CPLANE1: variants seen among roughly 807,000 people sequenced by gnomAD.
The protein encoded by CPLANE1 is ciliogenesis and planar polarity effector 1.
In CPLANE1, 263 loss-of-function variants were observed where a neutral mutation model predicts 362.5. That is an observed-to-expected ratio of 0.73 (90% CI 0.66 to 0.80). The LOEUF (loss-of-function observed/expected upper bound fraction) is 0.80. Ranked by LOEUF, CPLANE1 falls within the 30% of genes least tolerant of loss-of-function variation. CPLANE1 has a pLI of 0.00. For synonymous variants in CPLANE1, 1,212 were observed against 1,302.6 expected, an observed-to-expected ratio of 0.93 and a Z score of 1.50; for missense variants, 3,461 against 3,793.4, an observed-to-expected ratio of 0.91 and a Z score of 2.30.
Position 37,206,212 on chromosome 5 carries a change from T to C in CPLANE1, c.3134A>G (p.Asp1045Gly), listed in dbSNP as rs1280487370. Residue 1045 changes from aspartate to glycine, a missense_variant, in exon 17 of 53, where the codon GAT (aspartate) becomes GGT (glycine). Around this residue, in one of 2 missense-constraint regions of CPLANE1, gnomAD observed 3,380 missense variants for 3,666.1 expected, o/e 0.92. Coordinates refer to ENST00000651892, the MANE Select transcript of CPLANE1 (RefSeq NM_001384732.1). ...AAATCCATACCTCATGAAATTGCTATCACGTTTACAGAACAGCTGGAAAGC... is the reference window on the plus strand; with the variant it reads ...AAATCCATACCTCATGAAATTGCTACCACGTTTACAGAACAGCTGGAAAGC... ...GVAFQLFCKR[D>G]SNFMRSKKKS... is the part of the protein sequence containing the mutation. 1.9e-6 allele frequency: 3 copies of C among 1,551,316 alleles called. No individual in the cohort carries two copies. The highest frequency in any genetic ancestry group is 2.6e-6 in the Non-Finnish European group (3 of 1,146,510).
intron 44 of CPLANE1, chr5:37,140,803 C>T: frequency 1.0e-6 from 1 of 985,186 alleles, no homozygotes; most frequent in Non-Finnish European, 1.2e-6. Context: ...GCCACAGTAC[C>T]TGTTTATTAC....
chr5:37,205,447 T>C lies in CPLANE1; in HGVS notation c.3157A>G (p.Lys1053Glu), dbSNP rs1790432973. ...CGGAGTGGTAGATTCAGACTCTTTT[T>C]CTTGGACCTGAAATGACATCAAATT... is the stretch of plus-strand genomic sequence containing the variant. Reference protein sequence around the residue: ...KRDSNFMRSKKKSLNLPLRMT... With the variant: ...KRDSNFMRSKEKSLNLPLRMT... The change falls in exon 18 of 53, where the codon AAA becomes GAA. Residue 1053 changes from lysine (K) to glutamate (E), a missense_variant. Coordinates refer to ENST00000651892, the MANE Select transcript of CPLANE1 (RefSeq NM_001384732.1). 4 of 1,527,520 alleles carry C rather than the reference T, an allele frequency of 2.6e-6. No homozygotes were observed. Among genetic ancestry groups the C allele is most frequent in the African/African-American group, 1.4e-5 (1 of 72,080 alleles). 94.6% of individuals were successfully genotyped at this position (1,527,520 alleles called of 1,614,324 possible). A position where few individuals can be genotyped will look rare whatever the true frequency, so the allele number is the denominator to read the frequency against.
intron 44 of CPLANE1, chr5:37,140,776 A>G: frequency 1.0e-6 from 1 of 985,450 alleles, no homozygotes; most frequent in Non-Finnish European, 1.2e-6. Context: ...TTAGTAACCC[A>G]GGATCACTAA....
At chr5:37,140,669 G>A in intron 44 of CPLANE1, 4 of 985,408 alleles carry the variant, frequency 4.1e-6, no homozygotes, top group Non-Finnish European at 4.8e-6. Context: ...TGCATATGGG[G>A]AAGTAGGTGA....
intron 6 of CPLANE1, among the ~76,000 whole-genome samples, 171 bp downstream of exon 6, chr5:37,242,839 TAAA>T (rs376022376): frequency 1.4e-5 from 2 of 138,746 alleles, no homozygotes; most frequent in Non-Finnish European, 1.6e-5. Context: ...ACTTGTCTGT[TAAA>T]AAAAAAAAAA....
chr5:37,093,397 G>A, the CPLANE1 span, among the ~76,000 whole-genome samples: 1 of 152,158 alleles, frequency 6.6e-6, no homozygotes, highest in Non-Finnish European at 1.5e-5. Flanking sequence ...TCTCTACCAT[G>A]GAATCAATCA....
rs763307814 is a variant in CPLANE1, at chr5:37,175,926, C to T, written c.5961G>A (p.Thr1987=). 4.3e-6 allele frequency: 7 copies of T among 1,612,750 alleles called. No individual in the cohort carries two copies. Among genetic ancestry groups the T allele is most frequent in the Middle Eastern group, 1.7e-4 (1 of 6,028 alleles). The change falls in exon 31 of 53, where the codon ACG becomes ACA. Residue 1987 remains threonine, a synonymous_variant. Transcript: ENST00000651892. Reference sequence around the variant, plus strand: ...CTTCTTACCTAGAAATTTCTGAACTCGTATCTACTTGCATTGATTGAGGAG... The same window carrying T: ...CTTCTTACCTAGAAATTTCTGAACTTGTATCTACTTGCATTGATTGAGGAG... ...HTTPQSMQVD[T]SSEISSAQIS... is the part of the protein sequence containing the mutation.
chr5:37,179,095 G>T (rs1352658699), intron 29 of CPLANE1, among the ~76,000 whole-genome samples: 1 of 152,154 alleles, frequency 6.6e-6, no homozygotes, highest in Non-Finnish European at 1.5e-5. Context: ...GGACACATTT[G>T]CTACTCTTGA....
chr5:37,121,881 G>GTTTTT, intron 48 of CPLANE1, 97 bp from the exon 49 acceptor site: 4 of 722,696 alleles, frequency 5.5e-6, no homozygotes, highest in Non-Finnish European at 6.2e-6. Context: ...GCATGTTCTG[G>GTTTTT]TTTTTTTTTT....
chr5:37,082,079 G>A, the CPLANE1 span, among the ~76,000 whole-genome samples: 1 of 149,148 alleles, frequency 6.7e-6, no homozygotes, highest in East Asian at 1.9e-4. Flanking sequence ...GGCAACAAGA[G>A]TGAAACTCCG....
At chr5:37,233,984 C>CAGGGT (rs1211923068) in intron 8 of CPLANE1, among the ~76,000 whole-genome samples, 1 of 152,200 alleles carries the variant, frequency 6.6e-6, no homozygotes, top group Non-Finnish European at 1.5e-5. Flanking sequence ...CTGTGTACTA[C>CAGGGT]TGAAGAAGTC....
intron 23 of CPLANE1, 22 bp downstream of exon 23, chr5:37,187,392 C>A: frequency 6.4e-7 from 1 of 1,574,094 alleles, no homozygotes; most frequent in South Asian, 1.2e-5. Context: ...ATGTAGTTTA[C>A]TTTCACCTAC....
chr5:37,182,961 A>C lies in CPLANE1; in HGVS notation c.5220T>G (p.Phe1740Leu). Reference sequence around the variant, plus strand: ...ATTCCAGCAGTCTTCCTATACTGCCAAAAGTGTTTAGTGCTAAAGGAAGAT... The same window carrying C: ...ATTCCAGCAGTCTTCCTATACTGCCCAAAGTGTTTAGTGCTAAAGGAAGAT... ...QEDLPLALNT[F>L]GSIGRLLEWM... Residue 1740 changes from phenylalanine to leucine, a missense_variant, in exon 26 of 53, where the codon TTT becomes TTG. Transcript: ENST00000651892. 1 of 1,606,558 alleles carries C rather than the reference A, an allele frequency of 6.2e-7. No homozygotes were observed. Among genetic ancestry groups the C allele is most frequent in the Non-Finnish European group, 8.5e-7 (1 of 1,176,446 alleles).
At chr5:37,230,359 C>A (rs1369587902) in intron 9 of CPLANE1, among the ~76,000 whole-genome samples, 5 of 151,832 alleles carry the variant, frequency 3.3e-5, no homozygotes, top group Non-Finnish European at 7.4e-5. Flanking sequence ...CACATGCTAT[C>A]CAAGTAACAA....
chr5:37,170,690 C>G (rs191030714), intron 32 of CPLANE1, among the ~76,000 whole-genome samples: 14 of 152,302 alleles, frequency 9.2e-5, no homozygotes, highest in African/African-American at 2.4e-4. Context: ...GTAATCCCAG[C>G]ATTTTGGGAG....
At chr5:37,125,766 G>GAATTTTTTTAA (rs1399648243) in intron 46 of CPLANE1, among the ~76,000 whole-genome samples, 1 of 152,006 alleles carries the variant, frequency 6.6e-6, no homozygotes, top group African/African-American at 2.4e-5. Flanking sequence ...TTCTCCTTTT[G>GAATTTTTTTAA]ACTTTTTTTA....
In CPLANE1 at chr5:37,133,745, C is replaced by T. The variant is rs186364965; in HGVS notation, c.8792+4975G>A. 1.9e-3 allele frequency among the ~76,000 whole-genome samples: 294 copies of T among 152,110 alleles called. 2 individuals carry two copies. Among genetic ancestry groups the T allele is most frequent in the Middle Eastern group, 3.4e-3 (1 of 294 alleles). ...AAGAGATAATCTGAATTCTTATTTT[C>T]CTATTTGGATGCCTTACGTTTATTT... On this transcript the variant is annotated intron_variant, in intron 46 of 52. Transcript: ENST00000651892.
Position 37,170,207 on chromosome 5 carries a change from T to A in CPLANE1, c.6296A>T (p.Asn2099Ile). The change falls in exon 33 of 53, where the codon AAC becomes ATC. Residue 2099 changes from asparagine (N) to isoleucine (I), a missense_variant. Transcript: ENST00000651892. ...TTCAACATCACCACATCCTCTTAGG[T>A]TTGATTCTTGGCTTTCCCCTAAATG... ...SVHLGESQES[N>I]LRGCGDVEDS... 1 of 1,614,178 alleles carries A rather than the reference T, an allele frequency of 6.2e-7. No homozygotes were observed. Among genetic ancestry groups the A allele is most frequent in the Non-Finnish European group, 8.5e-7 (1 of 1,180,044 alleles).
intron 46 of CPLANE1, among the ~76,000 whole-genome samples, chr5:37,126,546 C>T (rs1041326391): frequency 1.3e-5 from 2 of 152,200 alleles, no homozygotes; most frequent in African/African-American, 4.8e-5. Context: ...TAGTCTGATG[C>T]TTCTCCTTAC....
Sources: gnomAD v4.1 joint callset for allele counts (sites outside exome capture counted in the v4.1 genomes callset) on GRCh38, gnomAD v4.1.1 for gene constraint, gnomAD v4.1.1 regional missense constraint, MANE v1.5 for transcripts, NCBI Gene and HGNC (gene_info 2026-07-23, HGNC 2026-07-21) for gene names.